OSTN: variants seen among roughly 807,000 people sequenced by gnomAD.
OSTN encodes the protein osteocrin.
OSTN carries 9 observed loss-of-function variants against 12.0 expected under a neutral mutation model. The ratio of observed to expected loss-of-function variants is 0.75; its 90% CI spans 0.45 to 1.30. The LOEUF is 1.30. Among genes scored for constraint, OSTN ranks in the 50% most tolerant of loss-of-function variants. The pLI, the probability that OSTN is intolerant of heterozygous loss-of-function variation, is 0.00. For missense variants in OSTN, 148 were observed against 152.3 expected, an observed-to-expected ratio of 0.97 and a Z score of 0.15; for synonymous variants, 59 against 56.9, an observed-to-expected ratio of 1.04 and a Z score of -0.16.
chr3:191,241,167 C>CATT (rs1715309346), intron 3 of OSTN, among the ~76,000 whole-genome samples: 1 of 46,444 alleles, frequency 2.2e-5, no homozygotes. Flanking sequence ...TGTGCCTTGA[C>CATT]TTTTTTTTTT....
At chr3:191,250,958 T>C (rs759396394) in intron 4 of OSTN, among the ~76,000 whole-genome samples, 24 of 152,148 alleles carry the variant, frequency 1.6e-4, no homozygotes, top group Non-Finnish European at 3.2e-4. Flanking sequence ...GATCAGGCCT[T>C]ATGGGTTCAA....
rs556311227 is a variant in OSTN at position 191,220,689 on chromosome 3, G to A, written c.317+1728G>A. ...AAACTAATCTAAAAAGAAGAACATC[G>A]GCATCCAAAGAATAGTTGAGCTTTT... On this transcript the variant is annotated intron_variant, in intron 3 of 4. Coordinates refer to ENST00000682035, the MANE Select transcript of OSTN (RefSeq NM_198184.2). Among the ~76,000 whole-genome samples the A allele has an allele frequency of 5.1e-4, 78 of 152,006 alleles. 3 individuals are homozygous for A. Among genetic ancestry groups the A allele is most frequent in the Non-Finnish European group, 3.2e-4 (22 of 67,962 alleles).
At chr3:191,210,108 G>A (rs1268351395) in intron 1 of OSTN, among the ~76,000 whole-genome samples, 2 of 152,230 alleles carry the variant, frequency 1.3e-5, no homozygotes, top group Non-Finnish European at 2.9e-5. Flanking sequence ...GTGATGGAAA[G>A]CAAAGAGGAA....
intron 1 of OSTN, among the ~76,000 whole-genome samples, chr3:191,211,481 T>A (rs933959373): frequency 2.6e-5 from 4 of 152,206 alleles, no homozygotes; most frequent in African/African-American, 9.6e-5. Flanking sequence ...ACATGTTGCA[T>A]ATAAACATTG....
chr3:191,244,329 AT>A (rs1715384377), intron 3 of OSTN, among the ~76,000 whole-genome samples: 1 of 151,974 alleles, frequency 6.6e-6, no homozygotes, highest in African/African-American at 2.4e-5. Flanking sequence ...TTGTGATTGT[AT>A]TAAATTGATA....
intron 4 of OSTN, among the ~76,000 whole-genome samples, chr3:191,262,091 G>T (rs1405293176): frequency 6.6e-6 from 1 of 152,136 alleles, no homozygotes; most frequent in Admixed American, 6.5e-5. Flanking sequence ...GGTAGCATGG[G>T]CCTATAATCC....
intron 3 of OSTN, among the ~76,000 whole-genome samples, chr3:191,231,589 A>G (rs1395733689): frequency 2.0e-5 from 3 of 152,232 alleles, no homozygotes; most frequent in Non-Finnish European, 4.4e-5. Flanking sequence ...TCACAAGACC[A>G]GGAATTATTT....
At chr3:191,262,812 C>T in intron 4 of OSTN, 54 bp from the exon 5 acceptor site, 2 of 697,762 alleles carry the variant, frequency 2.9e-6, no homozygotes, top group Non-Finnish European at 5.2e-6. Context: ...TGGACTTCCA[C>T]CTGATCTACA....
chr3:191,212,592 G>A lies in OSTN; in HGVS notation c.60G>A (p.Trp20Ter), dbSNP rs781733036. ...HFILAVTLTL[W>*]SSGKVLSVDV... The stretch of plus-strand genomic sequence containing the variant: ...TCCTGGCTGTGACACTGACACTGTG[G>A]AGCTCAGGAAAAGTCCTCTCAGTAG... Residue 20 changes from tryptophan (W) to a stop codon, truncating the protein, a stop_gained, in exon 2 of 5, where the codon TGG becomes TGA. Transcript: ENST00000682035. LOFTEE classifies it high-confidence loss of function. 11 of 1,592,094 alleles carry A rather than the reference G, an allele frequency of 6.9e-6. No homozygotes were observed. In the Admixed American group the frequency reaches 1.7e-4, roughly 24 times the overall value.
At chr3:191,212,701 A>T (rs1168046078) in intron 2 of OSTN, 67 bp downstream of exon 2, 1 of 440,654 alleles carries the variant, frequency 2.3e-6, no homozygotes, top group Non-Finnish European at 3.6e-6. Context: ...ACATGTTTGT[A>T]TATAAAAGAA....
chr3:191,201,825 A>C (rs1322331824), intron 1 of OSTN, among the ~76,000 whole-genome samples: 1 of 152,202 alleles, frequency 6.6e-6, no homozygotes, highest in East Asian at 1.9e-4. Context: ...AAAAGTAGTA[A>C]AAACATTTTG....
chr3:191,214,000 G>C, intron 2 of OSTN, among the ~76,000 whole-genome samples: 1 of 152,148 alleles, frequency 6.6e-6, no homozygotes, highest in East Asian at 1.9e-4. Context: ...CTGAGGAATA[G>C]TTTGAAACCA....
At chr3:191,222,819 C>A (rs1339053698) in intron 3 of OSTN, among the ~76,000 whole-genome samples, 1 of 151,838 alleles carries the variant, frequency 6.6e-6, no homozygotes, top group African/African-American at 2.4e-5. Flanking sequence ...GGGTGGCTAC[C>A]CCCATGCTGC....
chr3:191,262,308 G>C (rs1410271825), intron 4 of OSTN, among the ~76,000 whole-genome samples: 1 of 152,196 alleles, frequency 6.6e-6, no homozygotes, highest in Non-Finnish European at 1.5e-5. Flanking sequence ...GACACATGTT[G>C]CTGAATTATA....
chr3:191,259,200 G>GTTTTTT (rs34341899), intron 4 of OSTN, among the ~76,000 whole-genome samples: 2 of 147,278 alleles, frequency 1.4e-5, no homozygotes, highest in Non-Finnish European at 1.5e-5. Context: ...AAAACAATCT[G>GTTTTTT]TTTTTTTTTT....
In OSTN at chr3:191,218,655, T is replaced by A; in HGVS notation, c.103-92T>A. 3.1e-6 allele frequency: 3 copies of A among 982,942 alleles called. No individual in the cohort carries two copies. The South Asian group carries it at 4.7e-5, about 15-fold the overall frequency. The allele number at this position is 982,942 out of a possible 1,614,324, so 60.9% of individuals were successfully genotyped here. A position where few individuals can be genotyped will look rare whatever the true frequency, so the allele number is the denominator to read the frequency against. On this transcript the variant is annotated intron_variant, in intron 2 of 4. Coordinates refer to ENST00000682035, the MANE Select transcript of OSTN (RefSeq NM_198184.2). ...ATTGTAAGATGTTACATGATGAGTA[T>A]GTCAGCTAACAGTAGCAAAAGCCAG...
chr3:191,199,431 C>T (rs1443592725), intron 1 of OSTN, 124 bp downstream of exon 1: 1 of 151,890 alleles, frequency 6.6e-6, no homozygotes, highest in Admixed American at 6.6e-5. Flanking sequence ...GGTAATATTT[C>T]CCTCTCTAAA....
At chr3:191,248,466 T>G (rs903319404) in intron 3 of OSTN, among the ~76,000 whole-genome samples, 3 of 152,188 alleles carry the variant, frequency 2.0e-5, no homozygotes, top group Non-Finnish European at 4.4e-5. Context: ...AAGTAATTAT[T>G]GGTAAATAAG....
intron 2 of OSTN, among the ~76,000 whole-genome samples, chr3:191,213,116 G>A (rs990259141): frequency 7.2e-5 from 11 of 151,976 alleles, no homozygotes; most frequent in East Asian, 5.8e-4. Context: ...AGATCCGCCC[G>A]CCTCAACCTT....
Sources: allele counts gnomAD v4.1 joint callset (sites outside exome capture counted in the v4.1 genomes callset), GRCh38; gene constraint gnomAD v4.1.1; transcripts MANE v1.5; gene names NCBI Gene and HGNC (gene_info 2026-07-23, HGNC 2026-07-21).